The following GPR141 variants were observed in gnomAD, a reference collection of about 807,000 sequenced individuals.
GPR141 encodes the protein G protein-coupled receptor 141, also known as probable G protein-coupled receptor 141.
GPR141 carries 6 observed loss-of-function variants against 6.8 expected under a neutral mutation model. That is an observed-to-expected ratio of 0.88 (90% CI 0.48 to 1.74). GPR141 has a LOEUF of 1.74. GPR141 is among the 40% of genes most tolerant of loss of function. The pLI, the probability that GPR141 is intolerant of heterozygous loss-of-function variation, is 0.01. For synonymous variants in GPR141, 140 were observed against 142.3 expected (o/e 0.98, Z 0.11); for missense variants, 372 against 372.9 (o/e 1.00, Z 0.02).
At chr7:37,696,250 C>G (rs1034118790) in intron 2 of GPR141, among the ~76,000 whole-genome samples, 5 of 152,158 alleles carry the variant, frequency 3.3e-5, no homozygotes, top group African/African-American at 1.2e-4. Flanking sequence ...TGGATGTCTT[C>G]TAAGCATATT....
chr7:37,696,996 G>A (rs1317099269), intron 2 of GPR141, among the ~76,000 whole-genome samples: 1 of 152,132 alleles, frequency 6.6e-6, no homozygotes, highest in Non-Finnish European at 1.5e-5. Flanking sequence ...TAGAGAGTGA[G>A]AGAGACAGAG....
intron 2 of GPR141, 135 bp downstream of exon 2, chr7:37,685,718 G>C (rs1436070610): frequency 6.6e-6 from 1 of 150,408 alleles, no homozygotes; most frequent in Non-Finnish European, 1.5e-5. Context: ...CAGAGTACTG[G>C]GATAACAAAC....
At chr7:37,702,464 C>T (rs1810319262) in intron 2 of GPR141, among the ~76,000 whole-genome samples, 1 of 151,720 alleles carries the variant, frequency 6.6e-6, no homozygotes, top group South Asian at 2.1e-4. Flanking sequence ...AAGATATACA[C>T]TCTATTTTTA....
At chr7:37,722,229 C>A (rs1811362392) in intron 2 of GPR141, among the ~76,000 whole-genome samples, 1 of 152,110 alleles carries the variant, frequency 6.6e-6, no homozygotes, top group South Asian at 2.1e-4. Flanking sequence ...AACATAACAT[C>A]ATTGAAAATT....
intron 2 of GPR141, among the ~76,000 whole-genome samples, chr7:37,698,762 T>C (rs923335911): frequency 6.6e-6 from 1 of 152,250 alleles, no homozygotes; most frequent in African/African-American, 2.4e-5. Context: ...AGAGTGATCT[T>C]ACTTGAGCTG....
chr7:37,693,019 T>C (rs1809848888), intron 2 of GPR141, among the ~76,000 whole-genome samples: 1 of 152,220 alleles, frequency 6.6e-6, no homozygotes, highest in Admixed American at 6.5e-5. Flanking sequence ...TAGATCCTAT[T>C]TTTCAATTTT....
intron 2 of GPR141, among the ~76,000 whole-genome samples, chr7:37,733,922 A>G (rs1466411190): frequency 6.6e-6 from 1 of 152,212 alleles, no homozygotes; most frequent in African/African-American, 2.4e-5. Context: ...CTGTAATCCC[A>G]ACATTTTGGG....
rs188892510 is a variant in GPR141, at chr7:37,699,840, T to A, written c.-15+14257T>A. 5.1e-3 allele frequency among the ~76,000 whole-genome samples: 776 copies of A among 152,346 alleles called. 9 individuals are homozygous for A. Among genetic ancestry groups the A allele is most frequent in the African/African-American group, 0.017 (712 of 41,586 alleles). ...AGGGGTTTATTTATTTACTTATTTTTAAAAATGCTTATTTCCAAACACGAC... is the reference window on the plus strand; with the variant it reads ...AGGGGTTTATTTATTTACTTATTTTAAAAAATGCTTATTTCCAAACACGAC... On this transcript the variant is annotated intron_variant, in intron 2 of 2. Transcript: ENST00000334425.
intron 2 of GPR141, among the ~76,000 whole-genome samples, chr7:37,718,474 TGCACTCCA>T (rs1811148552): frequency 6.6e-6 from 1 of 150,640 alleles, no homozygotes; most frequent in African/African-American, 2.5e-5. Context: ...TATGAACCAC[TGCACTCCA>T]GCCTGGGAAA....
At chr7:37,738,851 G>GA (rs1413170970) in intron 2 of GPR141, among the ~76,000 whole-genome samples, 1 of 151,956 alleles carries the variant, frequency 6.6e-6, no homozygotes, top group Non-Finnish European at 1.5e-5. Context: ...GCTTCTTCTA[G>GA]AAAAAGATAT....
At chr7:37,688,107 A>G (rs1284133091) in intron 2 of GPR141, among the ~76,000 whole-genome samples, 1 of 152,112 alleles carries the variant, frequency 6.6e-6, no homozygotes, top group Admixed American at 6.5e-5. Context: ...CTGGCCCATG[A>G]ACTATATTGA....
At chr7:37,721,279 C>G (rs746105335) in intron 2 of GPR141, among the ~76,000 whole-genome samples, 1 of 152,100 alleles carries the variant, frequency 6.6e-6, no homozygotes, top group Non-Finnish European at 1.5e-5. Flanking sequence ...GTACCCTTGT[C>G]CTGGATTTCT....
intron 2 of GPR141, among the ~76,000 whole-genome samples, chr7:37,717,495 A>G (rs1413125407): frequency 6.6e-6 from 1 of 152,202 alleles, no homozygotes; most frequent in African/African-American, 2.4e-5. Context: ...TTTGTTCATT[A>G]ACAAACGTTT....
chr7:37,740,773 A>G lies in GPR141; in HGVS notation c.380A>G (p.Tyr127Cys). 6.2e-7 allele frequency: 1 copy of G among 1,614,134 alleles called. No homozygotes were observed. Among genetic ancestry groups the G allele is most frequent in the Non-Finnish European group, 8.5e-7 (1 of 1,180,006 alleles). The change falls in exon 3 of 3, where the codon TAC becomes TGC. Residue 127 changes from tyrosine to cysteine, a missense_variant. Physicochemically the swap from Tyr to Cys is radical, Grantham distance 194. Transcript: ENST00000334425. ...AAGTGCAAAGACAAAGTGGAATTCT[A>G]CAGAAAACTGCATGCTGTGGCTGCC... ...FFKCKDKVEF[Y>C]RKLHAVAASA...
At chr7:37,728,166 AC>A (rs1811726896) in intron 2 of GPR141, among the ~76,000 whole-genome samples, 1 of 152,124 alleles carries the variant, frequency 6.6e-6, no homozygotes, top group Non-Finnish European at 1.5e-5. Flanking sequence ...ATCCTCAAGT[AC>A]CTCTTAAATA....
intron 2 of GPR141, among the ~76,000 whole-genome samples, chr7:37,701,855 C>T (rs533374466): frequency 6.6e-6 from 1 of 152,324 alleles, no homozygotes; most frequent in African/African-American, 2.4e-5. Context: ...GATTCAGCAG[C>T]TGCTCGAAAA....
chr7:37,717,948 G>A (rs1811126989), intron 2 of GPR141, among the ~76,000 whole-genome samples: 1 of 152,106 alleles, frequency 6.6e-6, no homozygotes, highest in Admixed American at 6.6e-5. Context: ...GGATCCCCTG[G>A]TCTAATTGCC....
intron 2 of GPR141, among the ~76,000 whole-genome samples, chr7:37,728,131 T>C (rs1295557467): frequency 2.0e-5 from 3 of 152,242 alleles, no homozygotes; most frequent in Non-Finnish European, 4.4e-5. Context: ...TACCCAAGCA[T>C]CTTTTACTTT....
chr7:37,736,278 A>G (rs1812230476), intron 2 of GPR141, among the ~76,000 whole-genome samples: 1 of 152,082 alleles, frequency 6.6e-6, no homozygotes, highest in Non-Finnish European at 1.5e-5. Context: ...CAAATGGAAA[A>G]AGGGAAGAAG....
Sources: allele counts gnomAD v4.1 joint callset (sites outside exome capture counted in the v4.1 genomes callset), GRCh38; gene constraint gnomAD v4.1.1; transcripts MANE v1.5; gene names NCBI Gene and HGNC (gene_info 2026-07-23, HGNC 2026-07-21).